The following HTR7 variants were observed in gnomAD, a reference collection of about 807,000 sequenced individuals.
The protein encoded by HTR7 is 5-hydroxytryptamine receptor 7.
HTR7 carries 16 observed loss-of-function variants against 34.0 expected under a neutral mutation model. The observed-to-expected ratio is 0.47, with a 90% CI of 0.32 to 0.71. The LOEUF (loss-of-function observed/expected upper bound fraction) is 0.71, where lower values mean the gene tolerates loss of function less well. Ranked by LOEUF, HTR7 falls within the 30% of genes least tolerant of loss-of-function variation. The probability of loss-of-function intolerance (pLI) is 0.04; values close to 1 mark genes in which losing one functional copy is unlikely to be tolerated. For missense variants in HTR7, 504 were observed against 625.5 expected (o/e 0.81, Z 2.07); for synonymous variants, 265 against 260.2 (o/e 1.02, Z -0.18).
At chr10:90,852,685 A>G (rs973782807) in intron 1 of HTR7, among the ~76,000 whole-genome samples, 1 of 152,348 alleles carries the variant, frequency 6.6e-6, no homozygotes, top group Non-Finnish European at 1.5e-5. Context: ...TGAACCACTG[A>G]TAGGCTAAAA....
intron 1 of HTR7, among the ~76,000 whole-genome samples, chr10:90,805,163 G>A (rs3902900): frequency 2.0e-5 from 3 of 152,150 alleles, no homozygotes; most frequent in Admixed American, 1.3e-4. Flanking sequence ...GTTAGGGGTG[G>A]CTGAAGACAG....
In HTR7 at chr10:90,851,604, C is replaced by CAAA. The variant is rs34310653; in HGVS notation, c.539+5526_539+5528dup. Among the ~76,000 whole-genome samples the CAAA allele has an allele frequency of 2.6e-3, 181 of 68,806 alleles. 2 individuals are homozygous for CAAA. The highest frequency in any genetic ancestry group is 6.7e-3 in the African/African-American group (112 of 16,830). The allele number at this position is 68,806 out of a possible 152,430, so 45.1% of individuals were successfully genotyped here. On this transcript the variant is annotated intron_variant, in intron 1 of 3. Coordinates refer to ENST00000336152, the MANE Select transcript of HTR7 (RefSeq NM_019859.4). The stretch of plus-strand genomic sequence containing the variant: ...TGGGCGACAGAGTGAGACTCCGTCC[C>CAAA]AAAAAAAAAAAAAAAAAAAAAAAGA...
chr10:90,808,050 C>T (rs934824270), intron 1 of HTR7, among the ~76,000 whole-genome samples: 3 of 152,290 alleles, frequency 2.0e-5, no homozygotes, highest in African/African-American at 4.8e-5. Context: ...ACCCCGGCGC[C>T]GGTCACAGAC....
At chr10:90,762,941 G>C (rs540989070) in intron 1 of HTR7, among the ~76,000 whole-genome samples, 55 of 152,240 alleles carry the variant, frequency 3.6e-4, no homozygotes, top group Middle Eastern at 6.8e-3. Context: ...TAAGTTGACC[G>C]TGTATGTGGA....
At chr10:90,831,504 T>G (rs990584560) in intron 1 of HTR7, among the ~76,000 whole-genome samples, 2 of 152,172 alleles carry the variant, frequency 1.3e-5, no homozygotes, top group African/African-American at 4.8e-5. Context: ...ACCCAAAAAG[T>G]GGGCAGTAGC....
chr10:90,841,531 G>C (rs1037027582), intron 1 of HTR7, among the ~76,000 whole-genome samples: 3 of 152,084 alleles, frequency 2.0e-5, no homozygotes. Context: ...TTGGCTCATG[G>C]CCCCCTTCCA....
rs763456691 is a variant in HTR7 at position 90,743,635 on chromosome 10, C to A, written c.1351G>T (p.Val451Leu). 3 of 1,614,054 alleles carry A rather than the reference C, an allele frequency of 1.9e-6. No individual in the cohort carries two copies. In the South Asian group the frequency reaches 3.3e-5, roughly 18 times the overall value. ...LRPEKRPPVS[V>L]WVLQSPDHHN... ...TGGTCTGGAGATTGTAGCACCCACA[C>A]AGATACCGGTGGCCTCTTTTCTGGT... The change falls in exon 3 of 4, where the codon GTG (valine) becomes TTG (leucine). Residue 451 changes from valine to leucine, a missense_variant. Around this residue, in one of 4 missense-constraint regions of HTR7, gnomAD observed 154 missense variants for 212.1 expected, o/e 0.73. Transcript: ENST00000336152.
At chr10:90,814,942 G>C (rs1845875166) in intron 1 of HTR7, among the ~76,000 whole-genome samples, 1 of 152,220 alleles carries the variant, frequency 6.6e-6, no homozygotes, top group South Asian at 2.1e-4. Flanking sequence ...GATATGGATT[G>C]ACAAAAGGGC....
intron 1 of HTR7, among the ~76,000 whole-genome samples, chr10:90,759,824 A>AG: frequency 6.6e-6 from 1 of 152,356 alleles, no homozygotes; most frequent in East Asian, 1.9e-4. Flanking sequence ...GGGGGAAGCA[A>AG]GGTAGGATAC....
chr10:90,826,661 A>G (rs955232414), intron 1 of HTR7, among the ~76,000 whole-genome samples: 12 of 152,182 alleles, frequency 7.9e-5, no homozygotes, highest in Non-Finnish European at 1.5e-4. Flanking sequence ...TTAAGTTGTC[A>G]TAAGTTTAAA....
intron 2 of HTR7, among the ~76,000 whole-genome samples, chr10:90,746,103 G>C (rs1844629137): frequency 6.6e-6 from 1 of 152,092 alleles, no homozygotes; most frequent in Non-Finnish European, 1.5e-5. Context: ...TATGACTGTG[G>C]GGGAAATCAT....
chr10:90,757,375 G>A (rs532359222), intron 1 of HTR7, among the ~76,000 whole-genome samples: 1 of 152,308 alleles, frequency 6.6e-6, no homozygotes, highest in South Asian at 2.1e-4. Context: ...AGGGCCAACA[G>A]AACTTGTCAT....
At chr10:90,747,873 C>T (rs1290656572) in intron 2 of HTR7, among the ~76,000 whole-genome samples, 2 of 152,224 alleles carry the variant, frequency 1.3e-5, no homozygotes, top group African/African-American at 4.8e-5. Context: ...GAAGAAATCT[C>T]CTCTACCTCA....
At position 90,755,954 on chromosome 10, in the gene HTR7, CA is replaced by C. The variant is rs1844827975; in HGVS notation, c.540-6361del. Among the ~76,000 whole-genome samples the C allele has an allele frequency of 2.6e-5, 4 of 152,284 alleles. No homozygotes were observed. The South Asian group carries it at 8.3e-4, about 32-fold the overall frequency. On this transcript the variant is annotated intron_variant, in intron 1 of 3. Coordinates refer to ENST00000336152, the MANE Select transcript of HTR7 (RefSeq NM_019859.4). The stretch of plus-strand genomic sequence containing the variant: ...CTCCAAATGAAACTAATCCACTCTA[CA>C]GAAGTAAAATTAGTATAACTCTATA...
chr10:90,788,208 GC>G (rs1782503049), intron 1 of HTR7, among the ~76,000 whole-genome samples: 1 of 152,012 alleles, frequency 6.6e-6, no homozygotes, highest in African/African-American at 2.4e-5. Context: ...TAGGTGCTTT[GC>G]CATCATTCTG....
At chr10:90,820,279 G>A (rs1278193595) in intron 1 of HTR7, among the ~76,000 whole-genome samples, 1 of 151,988 alleles carries the variant, frequency 6.6e-6, no homozygotes, top group East Asian at 1.9e-4. Flanking sequence ...TTAAAGGAGT[G>A]ATGGCTTTTT....
intron 1 of HTR7, among the ~76,000 whole-genome samples, chr10:90,842,731 G>A (rs1005801128): frequency 2.0e-5 from 3 of 150,274 alleles, no homozygotes; most frequent in African/African-American, 7.3e-5. Flanking sequence ...AAAAAAAAAG[G>A]ACCCTGAGAT....
At chr10:90,790,855 G>C (rs973853521) in intron 1 of HTR7, among the ~76,000 whole-genome samples, 1 of 152,082 alleles carries the variant, frequency 6.6e-6, no homozygotes, top group Non-Finnish European at 1.5e-5. Flanking sequence ...CAGAAAAAGA[G>C]AGTAAGAGAG....
intron 1 of HTR7, among the ~76,000 whole-genome samples, chr10:90,819,770 G>A (rs1845949873): frequency 6.6e-6 from 1 of 151,892 alleles, no homozygotes; most frequent in African/African-American, 2.4e-5. Context: ...GCATCAGCTA[G>A]CTTCCCACTA....
Sources: allele counts gnomAD v4.1 joint callset (sites outside exome capture counted in the v4.1 genomes callset), GRCh38; gene constraint gnomAD v4.1.1; regional missense constraint gnomAD v4.1.1; transcripts MANE v1.5; gene names NCBI Gene and HGNC (gene_info 2026-07-23, HGNC 2026-07-21).